Variants in FBXL19 observed in about 807,000 individuals in gnomAD.
FBXL19 encodes F-box and leucine rich repeat protein 19, also known as F-box/LRR-repeat protein 19.
FBXL19 carries 16 observed loss-of-function variants against 71.2 expected under a neutral mutation model. The ratio of observed to expected loss-of-function variants is 0.22; its 90% CI spans 0.15 to 0.34. The LOEUF (loss-of-function observed/expected upper bound fraction) is 0.34. FBXL19 is among the 10% of genes least tolerant of loss of function. The pLI is 1.00. For missense variants in FBXL19, 658 were observed against 968.2 expected (o/e 0.68, Z 4.25); for synonymous variants, 447 against 409.4 (o/e 1.09, Z -1.11).
intron 7 of FBXL19, among the ~76,000 whole-genome samples, chr16:30,936,609 T>G (rs942784685): frequency 1.4e-5 from 2 of 148,058 alleles, no homozygotes; most frequent in South Asian, 4.2e-4. Context: ...TTCTTTTTTT[T>G]TTTTTTTTTT....
In FBXL19 at chr16:30,923,792, T is replaced by G. The variant is rs2055554875; in HGVS notation, c.-692T>G. On this transcript the variant is annotated 5_prime_UTR_variant, in exon 1 of 11. Transcript: ENST00000338343. ...TCCCTATCTCCCGAGGGTCGCGCGC[T>G]TGGGGGAGGGGGAGAGGTCGGGGGT... Among the ~76,000 whole-genome samples, 1 of 125,940 alleles carries G rather than the reference T, an allele frequency of 7.9e-6. No individual in the cohort carries two copies. 82.6% of individuals were successfully genotyped at this position (125,940 alleles called of 152,430 possible).
At chr16:30,939,348 C>A (rs572898052) in intron 7 of FBXL19, among the ~76,000 whole-genome samples, 1 of 151,852 alleles carries the variant, frequency 6.6e-6, no homozygotes, top group South Asian at 2.1e-4. Context: ...TGGGATTACA[C>A]CACACTTGGA....
At chr16:30,941,520 A>G (rs1044784611) in intron 7 of FBXL19, among the ~76,000 whole-genome samples, 5 of 152,172 alleles carry the variant, frequency 3.3e-5, no homozygotes, top group African/African-American at 1.2e-4. Context: ...TGTGGAATTT[A>G]CATTGTAGTT....
At chr16:30,936,362 G>A (rs2055732283) in intron 7 of FBXL19, among the ~76,000 whole-genome samples, 1 of 151,442 alleles carries the variant, frequency 6.6e-6, no homozygotes, top group African/African-American at 2.4e-5. Flanking sequence ...GGGCTAGGTG[G>A]AACCCCGCCT....
chr16:30,929,012 G>A (rs1341079327), intron 6 of FBXL19, among the ~76,000 whole-genome samples: 3 of 152,094 alleles, frequency 2.0e-5, no homozygotes, highest in Non-Finnish European at 4.4e-5. Flanking sequence ...CCCTTATCCC[G>A]CAGAAGTGTA....
chr16:30,926,039 C>A, intron 2 of FBXL19, 108 bp downstream of exon 2: 1 of 1,338,120 alleles, frequency 7.5e-7, no homozygotes, highest in South Asian at 1.9e-5. Context: ...TTTGTTCACT[C>A]GTTCATTTCT....
chr16:30,929,015 G>C (rs902988440), intron 6 of FBXL19, among the ~76,000 whole-genome samples: 1 of 152,168 alleles, frequency 6.6e-6, no homozygotes, highest in African/African-American at 2.4e-5. Flanking sequence ...TTATCCCGCA[G>C]AAGTGTATAA....
In FBXL19 at chr16:30,946,956, C is replaced by T. The variant is rs757149705; in HGVS notation, c.1846+8C>T. 22 of 1,601,532 alleles carry T rather than the reference C, an allele frequency of 1.4e-5. No homozygotes were observed. Among genetic ancestry groups the T allele is most frequent in the East Asian group, 4.5e-5 (2 of 44,404 alleles). ...TGCACCTCAATCTTGCTGGTAAGCA[C>T]GGTCCCCCATCCGTCCTGCCAGCCT... On this transcript the variant is annotated splice_region_variant and intron_variant, in intron 10 of 10. Transcript: ENST00000338343. The surrounding 1 kb of genome is among the most constrained non-coding windows in gnomAD (Gnocchi z 6.7).
At chr16:30,938,635 G>A (rs769804100) in intron 7 of FBXL19, among the ~76,000 whole-genome samples, 1 of 152,042 alleles carries the variant, frequency 6.6e-6, no homozygotes, top group Non-Finnish European at 1.5e-5. Context: ...TCTCTCCATC[G>A]GGTGCTTTTT....
chr16:30,947,944 C>G lies in FBXL19; in HGVS notation c.*714C>G, dbSNP rs977924197. On this transcript the variant is annotated 3_prime_UTR_variant, in exon 11 of 11. Coordinates refer to ENST00000338343, the MANE Select transcript of FBXL19 (RefSeq NM_001382779.1). ...GGCCGCGGGCAGCCGCTCTTCAGCT[C>G]GCGGCCCAGGGGAGTGGCGAGGGGC... The G allele has an allele frequency of 1.3e-5, 6 of 444,472 alleles. No individual in the cohort carries two copies. Among genetic ancestry groups the G allele is most frequent in the African/African-American group, 1.0e-4 (5 of 49,772 alleles). 27.5% of individuals were successfully genotyped at this position (444,472 alleles called of 1,614,324 possible).
upstream of FBXL19, chr16:30,923,341 C>T: frequency 2.5e-6 from 1 of 403,552 alleles, no homozygotes; most frequent in Non-Finnish European, 5.1e-6. Flanking sequence ...GGCACGCCCT[C>T]CGCCGTCCTG....
Position 30,925,785 on chromosome 16 carries a change from G to A in FBXL19, c.31G>A (p.Gly11Arg), listed in dbSNP as rs2055583472. Reference protein sequence around the residue: MSSSSRGPGAGARRRRTRCRR... With the variant: MSSSSRGPGARARRRRTRCRR... ...GTCGAGCAGCCGGGGGCCGGGGGCC[G>A]GAGCGCGCCGACGCCGAACCCGCTG... Residue 11 changes from glycine (G) to arginine (R), a missense_variant, in exon 2 of 11, where the codon GGA becomes AGA. By Grantham distance (125) the Gly-to-Arg change is moderately radical. This residue lies in a region of FBXL19 where 25 missense variants were observed against 19.3 expected (regional missense o/e 1.30). Coordinates refer to ENST00000338343, the MANE Select transcript of FBXL19 (RefSeq NM_001382779.1). The surrounding 1 kb of genome is among the most constrained non-coding windows in gnomAD (Gnocchi z 5.0). The A allele has an allele frequency of 2.0e-6, 3 of 1,488,926 alleles. No individual in the cohort carries two copies. Among genetic ancestry groups the A allele is most frequent in the African/African-American group, 1.5e-5 (1 of 68,948 alleles). The allele number at this position is 1,488,926 out of a possible 1,614,324, so 92.2% of individuals were successfully genotyped here.
chr16:30,939,421 GT>G (rs900496738), intron 7 of FBXL19, among the ~76,000 whole-genome samples: 28 of 107,032 alleles, frequency 2.6e-4, no homozygotes, highest in Admixed American at 4.8e-4. Flanking sequence ...TTTTTTTTTT[GT>G]TTTTTTTTTG....
In FBXL19 at chr16:30,925,567, C is replaced by T. The variant is rs1486812611; in HGVS notation, c.-24-164C>T. The T allele has an allele frequency of 8.6e-6, 6 of 700,838 alleles. No individual in the cohort carries two copies. The highest frequency in any genetic ancestry group is 3.6e-5 in the East Asian group (1 of 27,780). The allele number at this position is 700,838 out of a possible 1,614,324, so 43.4% of individuals were successfully genotyped here. ...CTTGAGCTGCTGCAGGGAGACAGGC[C>T]TTGAGTAGAGGATTGGCCCCCAGAT... On this transcript the variant is annotated intron_variant, in intron 1 of 10. Transcript: ENST00000338343. This position sits in a 1 kb window ranked among gnomAD's most constrained non-coding sequence, Gnocchi z 5.0.
intron 7 of FBXL19, among the ~76,000 whole-genome samples, chr16:30,939,135 A>G (rs1303490939): frequency 1.0e-4 from 15 of 146,406 alleles, no homozygotes; most frequent in Middle Eastern, 4.1e-3. Flanking sequence ...GCAGTGGCGC[A>G]ATCTCGGCTT....
intron 6 of FBXL19, among the ~76,000 whole-genome samples, chr16:30,929,839 C>T (rs147901631): frequency 0.15 from 23,537 of 152,232 alleles, 2,393 homozygotes; most frequent in Non-Finnish European, 0.22. Context: ...CAGGCGTGAG[C>T]CACTGCGCCC....
chr16:30,930,412 C>A lies in FBXL19; in HGVS notation c.1129C>A (p.Leu377Met). ...AGCCCCACCACCCCGGCCTCCACAG[C>A]TGGAGCGGCACGTGGTGCGGCCCCC... ...GPAPPPRPPQ[L>M]ERHVVRPPPR... The change falls in exon 7 of 11, where the codon CTG (leucine) becomes ATG (methionine). Residue 377 changes from leucine (L) to methionine (M), a missense_variant. By Grantham distance (15) the Leu-to-Met change is conservative (BLOSUM62 2). This residue lies in a region of FBXL19 where 447 missense variants were observed against 515.4 expected (regional missense o/e 0.87). Transcript: ENST00000338343. This position sits in a 1 kb window ranked among gnomAD's most constrained non-coding sequence, Gnocchi z 8.5. 6.5e-7 allele frequency: 1 copy of A among 1,526,886 alleles called. No individual in the cohort carries two copies. Among genetic ancestry groups the A allele is most frequent in the South Asian group, 1.2e-5 (1 of 82,788 alleles). 94.6% of individuals were successfully genotyped at this position (1,526,886 alleles called of 1,614,324 possible).
rs976510233 is a variant in FBXL19, at chr16:30,930,462, A to G, written c.1179A>G (p.Thr393=). The change falls in exon 7 of 11, where the codon ACA becomes ACG. Residue 393 remains threonine (T), a synonymous_variant. Transcript: ENST00000338343. This position sits in a 1 kb window ranked among gnomAD's most constrained non-coding sequence, Gnocchi z 8.5. The stretch of plus-strand genomic sequence containing the variant: ...CGCCTCGAAGCCCTGAGCCCGACAC[A>G]CTCCCCTTGGCTGCTGGATCCGACC... The part of the protein sequence containing the change: ...RPPPRSPEPD[T]LPLAAGSDHP... 1 of 1,534,112 alleles carries G rather than the reference A, an allele frequency of 6.5e-7. No individual in the cohort carries two copies. Among genetic ancestry groups the G allele is most frequent in the Non-Finnish European group, 8.7e-7 (1 of 1,145,748 alleles).
chr16:30,933,489 GC>G (rs1382377019), intron 7 of FBXL19, among the ~76,000 whole-genome samples: 3 of 150,814 alleles, frequency 2.0e-5, no homozygotes, highest in Non-Finnish European at 3.0e-5. Flanking sequence ...TCTCTCTGTT[GC>G]CCAGGCTGGA....
Sources: allele counts gnomAD v4.1 joint callset (sites outside exome capture counted in the v4.1 genomes callset), GRCh38; gene constraint gnomAD v4.1.1; regional missense constraint gnomAD v4.1.1; non-coding constraint Gnocchi (gnomAD v3.1); transcripts MANE v1.5; gene names NCBI Gene and HGNC (gene_info 2026-07-23, HGNC 2026-07-21).